The following DENND4C variants were observed in gnomAD, a reference collection of about 807,000 sequenced individuals.
DENND4C encodes DENN domain containing 4C, also known as DENN domain-containing protein 4C.
DENND4C carries 108 observed loss-of-function variants against 203.0 expected under a neutral mutation model. That is an observed-to-expected ratio of 0.53 (90% CI 0.46 to 0.62). The LOEUF is 0.62. Among genes scored for constraint, DENND4C ranks in the 20% least tolerant of loss-of-function variants. The pLI is 0.00. For missense variants in DENND4C, 2,481 were observed against 2,301.2 expected, an observed-to-expected ratio of 1.08 and a Z score of -1.60; for synonymous variants, 871 against 792.4, an observed-to-expected ratio of 1.10 and a Z score of -1.67.
chr9:19,347,125 A>C (rs1588964691), intron 23 of DENND4C, 39 bp downstream of exon 23: 1 of 1,517,184 alleles, frequency 6.6e-7, no homozygotes, highest in Non-Finnish European at 9.0e-7. Flanking sequence ...CTGCTATTGG[A>C]GTGTTTATAG....
Position 19,357,138 on chromosome 9 carries a change from T to A in DENND4C, c.4948T>A (p.Ser1650Thr), listed in dbSNP as rs1477635915. 6.2e-7 allele frequency: 1 copy of A among 1,613,686 alleles called. No homozygotes were observed. The highest frequency in any genetic ancestry group is 8.5e-7 in the Non-Finnish European group (1 of 1,179,820). Residue 1650 changes from serine to threonine, a missense_variant, in exon 27 of 33, where the codon TCT becomes ACT. This residue lies in a region of DENND4C where 2,289 missense variants were observed against 2,113.3 expected (regional missense o/e 1.08). Transcript: ENST00000434457. ...HNQIITEETGSAVEPSDEIKR... is the reference protein window; with the variant it reads ...HNQIITEETGTAVEPSDEIKR... ...CCAGATCATAACTGAAGAAACAGGC[T>A]CTGCAGTTGAACCAAGGTATCAAAG...
At position 19,342,675 on chromosome 9, in the gene DENND4C, C is replaced by G; in HGVS notation, c.3047C>G (p.Pro1016Arg). The change falls in exon 22 of 33, where the codon CCT becomes CGT. Residue 1016 changes from proline to arginine, a missense_variant. Pro to Arg is a moderately radical substitution (Grantham distance 103, BLOSUM62 -2). Around this residue, in one of 3 missense-constraint regions of DENND4C, gnomAD observed 2,289 missense variants for 2,113.3 expected, o/e 1.08. Coordinates refer to ENST00000434457, the MANE Select transcript of DENND4C (RefSeq NM_001330640.2). ...GCTATTGTGGCAAAACATTCACAAC[C>G]TAGTCCAGAGCCTCACAGTCCTACT... is the stretch of plus-strand genomic sequence containing the variant. ...ASAIVAKHSQ[P>R]SPEPHSPTEP... 1.2e-6 allele frequency: 2 copies of G among 1,612,048 alleles called. No individual in the cohort carries two copies. The highest frequency in any genetic ancestry group is 2.2e-5 in the East Asian group (1 of 44,754).
intron 1 of DENND4C, among the ~76,000 whole-genome samples, chr9:19,265,851 CATT>C (rs1276547710): frequency 2.0e-5 from 3 of 152,154 alleles, no homozygotes; most frequent in Non-Finnish European, 1.5e-5. Context: ...TCCAGTCTAT[CATT>C]GTTGGACATT....
chr9:19,314,145 A>C (rs1841296213), intron 10 of DENND4C, among the ~76,000 whole-genome samples: 1 of 151,852 alleles, frequency 6.6e-6, no homozygotes, highest in Non-Finnish European at 1.5e-5. Flanking sequence ...GGGTGGAAGG[A>C]GGTTGAGGAA....
At chr9:19,293,640 C>G (rs1325413031) in intron 5 of DENND4C, among the ~76,000 whole-genome samples, 2 of 152,122 alleles carry the variant, frequency 1.3e-5, no homozygotes, top group African/African-American at 4.8e-5. Context: ...AAGGAATGGG[C>G]AGATCAGAGG....
At chr9:19,361,346 A>G (rs1473743483) in intron 29 of DENND4C, among the ~76,000 whole-genome samples, 2 of 152,214 alleles carry the variant, frequency 1.3e-5, no homozygotes, top group Non-Finnish European at 2.9e-5. Context: ...TGGCTGTCTG[A>G]CTTAAAAGCC....
chr9:19,331,557 T>C (rs1819185542), intron 16 of DENND4C, among the ~76,000 whole-genome samples: 1 of 152,074 alleles, frequency 6.6e-6, no homozygotes, highest in Non-Finnish European at 1.5e-5. Context: ...AGACTGTAGC[T>C]TGGGAAGACA....
At chr9:19,317,019 T>G (rs1841969117) in intron 12 of DENND4C, among the ~76,000 whole-genome samples, 180 bp downstream of exon 12, 1 of 152,108 alleles carries the variant, frequency 6.6e-6, no homozygotes, top group African/African-American at 2.4e-5. Flanking sequence ...TTATAGCCCA[T>G]TTTTCTCCTG....
At chr9:19,239,024 T>C (rs527426153) in intron 1 of DENND4C, among the ~76,000 whole-genome samples, 2 of 152,226 alleles carry the variant, frequency 1.3e-5, no homozygotes, top group East Asian at 3.9e-4. Context: ...ATTGCTCATA[T>C]TGGTAATTCC....
chr9:19,369,911 A>G lies in DENND4C; in HGVS notation c.5599A>G (p.Ser1867Gly), dbSNP rs561704147. The G allele has an allele frequency of 6.8e-6, 11 of 1,613,966 alleles. No individual in the cohort carries two copies. The East Asian group carries it at 2.0e-4, about 29-fold the overall frequency. ...CACTTTAGTAGAAACCATCAGGCAG[A>G]GTATTCAGCACAATAATGTTCTTAA... ...TSTLVETIRQ[S>G]IQHNNVLKPI... The change falls in exon 31 of 33, where the codon AGT (serine) becomes GGT (glycine). Residue 1867 changes from serine (S) to glycine (G), a missense_variant. Ser to Gly is a moderately conservative substitution (Grantham distance 56). This residue lies in a region of DENND4C where 2,289 missense variants were observed against 2,113.3 expected (regional missense o/e 1.08). Transcript: ENST00000434457.
chr9:19,305,043 T>G (rs1839396782), intron 9 of DENND4C, among the ~76,000 whole-genome samples: 1 of 152,106 alleles, frequency 6.6e-6, no homozygotes, highest in South Asian at 2.1e-4. Context: ...GGCCATTTTA[T>G]TTTATTTTGA....
chr9:19,352,669 A>C lies in DENND4C; in HGVS notation c.4781+4A>C. ...AAGATTTGAGAGGTTCTGCAAGGTT[A>C]GTCTTATAAAAGCTCTCTCAAGAAG... On this transcript the variant is annotated splice_donor_region_variant and intron_variant, in intron 26 of 32. Coordinates refer to ENST00000434457, the MANE Select transcript of DENND4C (RefSeq NM_001330640.2). 6.3e-7 allele frequency: 1 copy of C among 1,576,154 alleles called. No homozygotes were observed. Among genetic ancestry groups the C allele is most frequent in the Non-Finnish European group, 8.6e-7 (1 of 1,159,218 alleles).
At chr9:19,330,131 G>A (rs1176274790) in intron 16 of DENND4C, among the ~76,000 whole-genome samples, 6 of 151,774 alleles carry the variant, frequency 4.0e-5, no homozygotes, top group Non-Finnish European at 8.8e-5. Context: ...ACTGTTACCA[G>A]CTAACAAAAG....
chr9:19,340,667 G>A (rs1459478243), intron 20 of DENND4C, among the ~76,000 whole-genome samples: 1 of 152,110 alleles, frequency 6.6e-6, no homozygotes, highest in Non-Finnish European at 1.5e-5. Flanking sequence ...ATATATGTGT[G>A]TTTTATTCTT....
chr9:19,324,242 T>C, intron 12 of DENND4C, 120 bp from the exon 13 acceptor site: 1 of 584,924 alleles, frequency 1.7e-6, no homozygotes, highest in Non-Finnish European at 2.6e-6. Flanking sequence ...TCTTTTTAAA[T>C]ATGGATATAT....
intron 13 of DENND4C, among the ~76,000 whole-genome samples, chr9:19,325,268 C>T (rs1032231958): frequency 6.6e-5 from 10 of 151,850 alleles, no homozygotes; most frequent in African/African-American, 1.9e-4. Context: ...GGTGGAAATA[C>T]GTTAAATTTT....
chr9:19,328,649 G>A (rs1270723756), intron 16 of DENND4C, among the ~76,000 whole-genome samples: 4 of 139,986 alleles, frequency 2.9e-5, no homozygotes, highest in Non-Finnish European at 6.1e-5. Flanking sequence ...CTGTCTGTCT[G>A]TCTGTCTGTC....
At chr9:19,337,531 G>C in intron 20 of DENND4C, 1 of 879,616 alleles carries the variant, frequency 1.1e-6, no homozygotes, top group Non-Finnish European at 1.4e-6. Flanking sequence ...GCTCTTTGTT[G>C]CTTTGCTTTT....
intron 17 of DENND4C, among the ~76,000 whole-genome samples, chr9:19,332,765 ATTT>A (rs35052178): frequency 6.3e-5 from 7 of 110,494 alleles, no homozygotes; most frequent in Non-Finnish European, 1.1e-4. Context: ...TCTGTTTTTG[ATTT>A]TTTTTTTTTT....
Sources: gnomAD v4.1 joint callset for allele counts (sites outside exome capture counted in the v4.1 genomes callset) on GRCh38, gnomAD v4.1.1 for gene constraint, gnomAD v4.1.1 regional missense constraint, MANE v1.5 for transcripts, NCBI Gene and HGNC (gene_info 2026-07-23, HGNC 2026-07-21) for gene names.